The following DPP10 variants were observed in gnomAD, a reference collection of about 807,000 sequenced individuals.
DPP10 encodes dipeptidyl peptidase like 10, also known as inactive dipeptidyl peptidase 10.
Under a neutral mutation model 120.9 loss-of-function variants are expected in DPP10, and 33 were observed. That is an observed-to-expected ratio of 0.27 (90% CI 0.21 to 0.37). The LOEUF is 0.37. DPP10 is among the 10% of genes least tolerant of loss of function. The pLI is 1.00. For synonymous variants in DPP10, 337 were observed against 326.1 expected (o/e 1.03, Z -0.36); for missense variants, 816 against 942.8 (o/e 0.87, Z 1.76).
chr2:115,192,981 AT>A (rs1157280852), intron 1 of DPP10, among the ~76,000 whole-genome samples: 1 of 151,982 alleles, frequency 6.6e-6, no homozygotes, highest in Admixed American at 6.5e-5. Context: ...CAAAAAAAAA[AT>A]TTTTAACCTT....
chr2:114,789,015 C>A (rs1683017593), intron 1 of DPP10, among the ~76,000 whole-genome samples: 1 of 152,144 alleles, frequency 6.6e-6, no homozygotes, highest in South Asian at 2.1e-4. Flanking sequence ...ACCATTATAT[C>A]TTTGGAAAAT....
Position 114,904,981 on chromosome 2 carries a change from G to C in DPP10, c.61-404258G>C, listed in dbSNP as rs571280345. Among the ~76,000 whole-genome samples, 15 of 152,094 alleles carry C rather than the reference G, an allele frequency of 9.9e-5. No homozygotes were observed. In the East Asian group the frequency reaches 2.9e-3, roughly 29 times the overall value. ...AGGATCAACTGGCAGATTTTATAGA[G>C]CCATCAAAGCCAAGGGTTTCTATTT... On this transcript the variant is annotated intron_variant, in intron 1 of 25. Transcript: ENST00000410059.
At chr2:115,552,584 G>A (rs767848753) in intron 5 of DPP10, among the ~76,000 whole-genome samples, 12 of 151,912 alleles carry the variant, frequency 7.9e-5, no homozygotes, top group Non-Finnish European at 1.3e-4. Context: ...TGAAGGAGGT[G>A]GAAGATGTTT....
At chr2:114,543,401 A>C (rs750096837) in intron 1 of DPP10, among the ~76,000 whole-genome samples, 3 of 152,218 alleles carry the variant, frequency 2.0e-5, no homozygotes, top group Non-Finnish European at 4.4e-5. Flanking sequence ...AAAAAGTAGG[A>C]AATAGCAAGA....
At chr2:114,713,992 A>AAC (rs1553410705) in intron 1 of DPP10, among the ~76,000 whole-genome samples, 1 of 151,310 alleles carries the variant, frequency 6.6e-6, no homozygotes, top group African/African-American at 2.4e-5. Flanking sequence ...CAAAAAAAAA[A>AAC]AAGAAAAAAA....
intron 1 of DPP10, among the ~76,000 whole-genome samples, chr2:114,934,698 C>G (rs1374488373): frequency 6.6e-6 from 1 of 151,942 alleles, no homozygotes; most frequent in African/African-American, 2.4e-5. Context: ...GGAACCAAGA[C>G]TGATGCTGGA....
At chr2:115,740,252 G>T (rs1677086797) in intron 9 of DPP10, among the ~76,000 whole-genome samples, 1 of 151,912 alleles carries the variant, frequency 6.6e-6, no homozygotes, top group African/African-American at 2.4e-5. Context: ...TACAAAGGAG[G>T]GGAAAGTGCC....
At chr2:114,811,685 C>T (rs1685185684) in intron 1 of DPP10, among the ~76,000 whole-genome samples, 1 of 152,106 alleles carries the variant, frequency 6.6e-6, no homozygotes, top group South Asian at 2.1e-4. Context: ...CCCCTTACTC[C>T]ACCACCACTA....
At chr2:115,491,337 T>G (rs541220140) in intron 3 of DPP10, among the ~76,000 whole-genome samples, 2 of 151,294 alleles carry the variant, frequency 1.3e-5, no homozygotes, top group East Asian at 3.9e-4. Context: ...GGTATAAGAG[T>G]TATAGAGGAA....
intron 21 of DPP10, 86 bp downstream of exon 21, chr2:115,815,815 G>T: frequency 7.4e-7 from 1 of 1,357,910 alleles, no homozygotes; most frequent in Non-Finnish European, 1.0e-6. Flanking sequence ...AGGCCAGTTG[G>T]TTACAGATAA....
chr2:114,560,663 C>G (rs890938032), intron 1 of DPP10, among the ~76,000 whole-genome samples: 2 of 152,150 alleles, frequency 1.3e-5, no homozygotes, highest in South Asian at 2.1e-4. Flanking sequence ...CCCTCACCAC[C>G]TCTCCACACA....
At chr2:114,789,606 A>G (rs898867738) in intron 1 of DPP10, among the ~76,000 whole-genome samples, 2 of 152,222 alleles carry the variant, frequency 1.3e-5, no homozygotes, top group African/African-American at 2.4e-5. Context: ...TTAGAGTGTG[A>G]CAAGCCCTGA....
At chr2:115,825,095 G>A (rs1347084556) in intron 21 of DPP10, among the ~76,000 whole-genome samples, 8 of 152,224 alleles carry the variant, frequency 5.3e-5, no homozygotes, top group Non-Finnish European at 7.4e-5. Flanking sequence ...CGTAAAATGG[G>A]ACCTAATGAT....
intron 1 of DPP10, among the ~76,000 whole-genome samples, chr2:114,730,095 T>C (rs941878954): frequency 6.6e-6 from 1 of 151,882 alleles, no homozygotes; most frequent in Non-Finnish European, 1.5e-5. Context: ...TCTGAATAAA[T>C]GCATAATAAA....
chr2:114,593,035 C>CAA (rs1031498263), intron 1 of DPP10, among the ~76,000 whole-genome samples: 1 of 151,964 alleles, frequency 6.6e-6, no homozygotes, highest in Non-Finnish European at 1.5e-5. Context: ...CAAAACAAAA[C>CAA]AAAAAAATGC....
chr2:114,936,188 C>T (rs1308228511), intron 1 of DPP10, among the ~76,000 whole-genome samples: 1 of 151,938 alleles, frequency 6.6e-6, no homozygotes, highest in African/African-American at 2.4e-5. Flanking sequence ...TCATTTTATG[C>T]CTTTGCTTCC....
chr2:114,446,288 G>A (rs995918040), intron 1 of DPP10, among the ~76,000 whole-genome samples: 1 of 152,150 alleles, frequency 6.6e-6, no homozygotes, highest in African/African-American at 2.4e-5. Flanking sequence ...CCTCTAAAAT[G>A]TGCAGATTTT....
At chr2:115,404,100 A>C (rs1189439514) in intron 3 of DPP10, among the ~76,000 whole-genome samples, 4 of 152,186 alleles carry the variant, frequency 2.6e-5, no homozygotes, top group African/African-American at 9.7e-5. Flanking sequence ...TAGGTAATTT[A>C]TAAAGAAAAG....
intron 2 of DPP10, among the ~76,000 whole-genome samples, chr2:115,332,725 T>C (rs377130086): frequency 6.6e-6 from 1 of 152,336 alleles, no homozygotes; most frequent in Non-Finnish European, 1.5e-5. Context: ...TTCCATGTAG[T>C]TGAGCAGTTT....
Sources: allele counts gnomAD v4.1 joint callset (sites outside exome capture counted in the v4.1 genomes callset), GRCh38; gene constraint gnomAD v4.1.1; transcripts MANE v1.5; gene names NCBI Gene and HGNC (gene_info 2026-07-23, HGNC 2026-07-21).